The following CDH12 variants were observed in gnomAD, a reference collection of about 807,000 sequenced individuals.
The protein encoded by CDH12 is cadherin-12.
In CDH12, 41 loss-of-function variants were observed where a neutral mutation model predicts 74.1. The ratio of observed to expected loss-of-function variants is 0.55; its 90% CI spans 0.43 to 0.72. The LOEUF (loss-of-function observed/expected upper bound fraction) is 0.72, where lower values mean the gene tolerates loss of function less well. CDH12 is among the 30% of genes least tolerant of loss of function. The pLI is 0.00. For missense variants in CDH12, 945 were observed against 977.2 expected, an observed-to-expected ratio of 0.97 and a Z score of 0.44; for synonymous variants, 399 against 355.0, an observed-to-expected ratio of 1.12 and a Z score of -1.39.
At chr5:22,229,364 A>G (rs869206087) in intron 3 of CDH12, among the ~76,000 whole-genome samples, 27 of 150,184 alleles carry the variant, frequency 1.8e-4, no homozygotes, top group Non-Finnish European at 3.8e-4. Context: ...CTTTTACAAA[A>G]AAAAAATGAC....
chr5:22,823,235 A>T (rs7445533), intron 1 of CDH12, among the ~76,000 whole-genome samples: 4 of 50,646 alleles, frequency 7.9e-5, no homozygotes, highest in Admixed American at 3.0e-4. Context: ...GACTGTTGTG[A>T]GGTGGGGGGA....
At chr5:22,254,650 G>A (rs970539788) in intron 3 of CDH12, among the ~76,000 whole-genome samples, 9 of 151,556 alleles carry the variant, frequency 5.9e-5, no homozygotes, top group South Asian at 2.1e-4. Context: ...GCACTTGTAC[G>A]TCTGAACTTA....
intron 5 of CDH12, among the ~76,000 whole-genome samples, chr5:22,005,590 A>C (rs573477469): frequency 4.1e-5 from 6 of 147,854 alleles, no homozygotes; most frequent in East Asian, 2.0e-4. Flanking sequence ...AAAAAAAAAA[A>C]CCCACTGGCC....
At chr5:22,293,856 G>A (rs1043275444) in intron 3 of CDH12, among the ~76,000 whole-genome samples, 2 of 152,072 alleles carry the variant, frequency 1.3e-5, no homozygotes, top group African/African-American at 2.4e-5. Context: ...GGGTTAAGGT[G>A]GTGTTGGCGA....
At chr5:22,488,696 C>T (rs1746711390) in intron 2 of CDH12, among the ~76,000 whole-genome samples, 1 of 152,154 alleles carries the variant, frequency 6.6e-6, no homozygotes, top group South Asian at 2.1e-4. Flanking sequence ...AAGAACTGCA[C>T]CTATTTCCAA....
At chr5:22,722,756 G>A (rs1409425007) in intron 1 of CDH12, among the ~76,000 whole-genome samples, 1 of 152,162 alleles carries the variant, frequency 6.6e-6, no homozygotes, top group Non-Finnish European at 1.5e-5. Flanking sequence ...GTGTGTGCTT[G>A]CATATCAAAT....
intron 1 of CDH12, among the ~76,000 whole-genome samples, chr5:22,691,369 T>C (rs1742075135): frequency 6.6e-6 from 1 of 152,180 alleles, no homozygotes; most frequent in Non-Finnish European, 1.5e-5. Context: ...CAAGATCCAG[T>C]GAGAAGTTGC....
intron 1 of CDH12, among the ~76,000 whole-genome samples, chr5:22,666,780 A>C (rs1258590580): frequency 6.6e-6 from 1 of 152,234 alleles, no homozygotes; most frequent in East Asian, 1.9e-4. Context: ...TTCAATGGCA[A>C]ATTAATATTA....
intron 1 of CDH12, among the ~76,000 whole-genome samples, chr5:22,810,065 A>G (rs879737762): frequency 6.6e-6 from 1 of 152,056 alleles, no homozygotes; most frequent in Non-Finnish European, 1.5e-5. Context: ...CTCTTTCTCT[A>G]AATAACAAAA....
At chr5:22,006,782 G>T (rs1369306493) in intron 5 of CDH12, among the ~76,000 whole-genome samples, 1 of 152,016 alleles carries the variant, frequency 6.6e-6, no homozygotes, top group Non-Finnish European at 1.5e-5. Context: ...ACATTAGGTC[G>T]CTCTAAGCAT....
intron 2 of CDH12, among the ~76,000 whole-genome samples, chr5:22,456,367 C>T (rs1395655131): frequency 1.3e-5 from 2 of 151,726 alleles, no homozygotes; most frequent in East Asian, 1.9e-4. Flanking sequence ...TGTATTGACT[C>T]CTGTACACTA....
intron 1 of CDH12, among the ~76,000 whole-genome samples, chr5:22,607,646 G>C (rs1279706066): frequency 6.6e-6 from 1 of 152,162 alleles, no homozygotes; most frequent in Non-Finnish European, 1.5e-5. Flanking sequence ...AGATTTGGTG[G>C]GGACACAGCT....
intron 2 of CDH12, among the ~76,000 whole-genome samples, chr5:22,428,887 C>T (rs1217965219): frequency 3.9e-5 from 6 of 152,064 alleles, no homozygotes; most frequent in African/African-American, 7.2e-5. Context: ...TTCCCGATGA[C>T]CTCAAATCAA....
chr5:22,752,042 T>A (rs1036376463), intron 1 of CDH12, among the ~76,000 whole-genome samples: 1 of 152,162 alleles, frequency 6.6e-6, no homozygotes, highest in African/African-American at 2.4e-5. Context: ...CATTTCAGTG[T>A]GGAGATGTTC....
chr5:22,266,224 C>A (rs1736096982), intron 3 of CDH12, among the ~76,000 whole-genome samples: 1 of 151,980 alleles, frequency 6.6e-6, no homozygotes, highest in African/African-American at 2.4e-5. Flanking sequence ...AACAGGCACT[C>A]ACCACCACGA....
intron 3 of CDH12, among the ~76,000 whole-genome samples, chr5:22,348,252 G>A (rs1265942981): frequency 2.6e-5 from 4 of 152,288 alleles, no homozygotes; most frequent in Non-Finnish European, 5.9e-5. Context: ...TTAAGCCTGA[G>A]TGCTTTTGAA....
chr5:22,820,938 G>T (rs1224336871), intron 1 of CDH12, among the ~76,000 whole-genome samples: 2 of 152,050 alleles, frequency 1.3e-5, no homozygotes, highest in Non-Finnish European at 2.9e-5. Flanking sequence ...CCAAAAAAGA[G>T]AATTTTAGAC....
At chr5:22,780,616 C>T (rs576128090) in intron 1 of CDH12, among the ~76,000 whole-genome samples, 2 of 152,142 alleles carry the variant, frequency 1.3e-5, no homozygotes, top group East Asian at 3.9e-4. Context: ...ATAACTGCCC[C>T]CATGATTCAA....
chr5:22,574,553 AATT>A (rs979772971), intron 1 of CDH12, among the ~76,000 whole-genome samples: 14 of 152,250 alleles, frequency 9.2e-5, no homozygotes, highest in Admixed American at 5.2e-4. Flanking sequence ...AGGCTCTCTT[AATT>A]ATGTAATAAA....
Sources: gnomAD v4.1 joint callset for allele counts (sites outside exome capture counted in the v4.1 genomes callset) on GRCh38, gnomAD v4.1.1 for gene constraint, MANE v1.5 for transcripts, NCBI Gene and HGNC (gene_info 2026-07-23, HGNC 2026-07-21) for gene names.